Variants in QTMAN observed in about 807,000 individuals in gnomAD.
QTMAN encodes the protein tRNA-queuosine alpha-mannosyltransferase.
the QTMAN span, among the ~76,000 whole-genome samples, chr2:144,166,032 A>C: frequency 6.9e-6 from 1 of 145,416 alleles, no homozygotes; most frequent in Non-Finnish European, 1.5e-5. Context: ...ACTCTCCTGC[A>C]TAAAACCAAG....
chr2:144,012,867 T>C, the QTMAN span, among the ~76,000 whole-genome samples: 7 of 152,008 alleles, frequency 4.6e-5, no homozygotes, highest in South Asian at 2.1e-4. Flanking sequence ...TGAAGAGATA[T>C]GAGGGTGTTA....
the QTMAN span, among the ~76,000 whole-genome samples, chr2:144,281,151 A>T: frequency 1.5e-5 from 2 of 136,120 alleles, no homozygotes; most frequent in Non-Finnish European, 3.0e-5. Flanking sequence ...ATATTTTTTT[A>T]AAGTCTAACA....
the QTMAN span, among the ~76,000 whole-genome samples, chr2:144,208,015 C>A: frequency 6.6e-6 from 1 of 152,030 alleles, no homozygotes; most frequent in African/African-American, 2.4e-5. Flanking sequence ...TGGCCCAGCT[C>A]ATGAGACGCT....
At chr2:144,034,065 G>A in the QTMAN span, among the ~76,000 whole-genome samples, 1 of 152,208 alleles carries the variant, frequency 6.6e-6, no homozygotes, top group South Asian at 2.1e-4. Flanking sequence ...GTTCTCTGCT[G>A]TTTGTTCTCT....
At chr2:144,244,498 AAAC>A in the QTMAN span, among the ~76,000 whole-genome samples, 1 of 152,214 alleles carries the variant, frequency 6.6e-6, no homozygotes, top group Non-Finnish European at 1.5e-5. Context: ...CACTAAGGAG[AAAC>A]AACAGTTGGG....
the QTMAN span, among the ~76,000 whole-genome samples, chr2:144,142,332 A>T: frequency 6.6e-6 from 1 of 151,970 alleles, no homozygotes; most frequent in Middle Eastern, 3.2e-3. Flanking sequence ...AAACCAAAGC[A>T]TATTTTTCCA....
At chr2:144,036,313 T>C in the QTMAN span, among the ~76,000 whole-genome samples, 2 of 152,248 alleles carry the variant, frequency 1.3e-5, no homozygotes, top group Admixed American at 1.3e-4. Context: ...AAGCCTTGGC[T>C]GCATAATTAT....
chr2:144,147,291 G>A, the QTMAN span, among the ~76,000 whole-genome samples: 1 of 151,062 alleles, frequency 6.6e-6, no homozygotes, highest in African/African-American at 2.4e-5. Context: ...CCAAGGAGAT[G>A]CACTTATTTT....
At chr2:144,060,144 T>A in the QTMAN span, among the ~76,000 whole-genome samples, 58 of 151,540 alleles carry the variant, frequency 3.8e-4, no homozygotes, top group African/African-American at 1.3e-3. Flanking sequence ...AGAGTTTGGC[T>A]CCACTAAAAA....
chr2:144,079,737 T>C, the QTMAN span, among the ~76,000 whole-genome samples: 210 of 152,204 alleles, frequency 1.4e-3, no homozygotes, highest in Non-Finnish European at 2.4e-3. Context: ...TCAAGTTCAT[T>C]GTATCTTACT....
the QTMAN span, chr2:144,317,509 T>C: frequency 6.6e-6 from 1 of 152,202 alleles, no homozygotes; most frequent in Non-Finnish European, 1.5e-5. Context: ...AAATGTTTTC[T>C]GGAGTCCACG....
the QTMAN span, among the ~76,000 whole-genome samples, chr2:143,976,754 T>C: frequency 6.6e-6 from 1 of 152,248 alleles, no homozygotes; most frequent in Admixed American, 6.5e-5. Context: ...TTTTGGCTAC[T>C]ACCAGTGCTT....
chr2:144,040,503 G>C, the QTMAN span, among the ~76,000 whole-genome samples: 1 of 151,980 alleles, frequency 6.6e-6, no homozygotes, highest in Non-Finnish European at 1.5e-5. Context: ...TTCTTCTCTT[G>C]CCTACTGTGC....
At chr2:144,020,649 G>A in the QTMAN span, among the ~76,000 whole-genome samples, 1 of 152,168 alleles carries the variant, frequency 6.6e-6, no homozygotes, top group African/African-American at 2.4e-5. Flanking sequence ...CTGTCTGTAT[G>A]CTCCCCTAGA....
the QTMAN span, among the ~76,000 whole-genome samples, chr2:143,986,724 T>TAA: frequency 2.0e-5 from 3 of 152,192 alleles, no homozygotes; most frequent in South Asian, 6.2e-4. Flanking sequence ...CATAAACCCT[T>TAA]GGGGACATAA....
the QTMAN span, chr2:144,145,703 T>C: frequency 6.2e-7 from 1 of 1,611,320 alleles, no homozygotes; most frequent in Non-Finnish European, 8.5e-7. Context: ...GGGCAGCCAG[T>C]TCGGTCAGGT....
chr2:144,207,617 A>AT, the QTMAN span, among the ~76,000 whole-genome samples: 1 of 152,148 alleles, frequency 6.6e-6, no homozygotes, highest in Non-Finnish European at 1.5e-5. Flanking sequence ...TTAAAGTTTT[A>AT]TATCATTTGT....
chr2:144,204,757 C>T, the QTMAN span, among the ~76,000 whole-genome samples: 6 of 151,880 alleles, frequency 4.0e-5, no homozygotes, highest in South Asian at 2.1e-4. Context: ...TGTCCAAAAA[C>T]GATAGACTGG....
the QTMAN span, among the ~76,000 whole-genome samples, chr2:144,274,229 G>A: frequency 2.6e-5 from 4 of 152,356 alleles, no homozygotes; most frequent in African/African-American, 7.2e-5. Flanking sequence ...GGCACTAGGA[G>A]AATCTTGTTC....
Sources: gnomAD v4.1 joint callset for allele counts (sites outside exome capture counted in the v4.1 genomes callset) on GRCh38, gnomAD v4.1.1 for gene constraint, MANE v1.5 for transcripts, NCBI Gene and HGNC (gene_info 2026-07-23, HGNC 2026-07-21) for gene names.